KLF12: variants seen among roughly 807,000 people sequenced by gnomAD.
KLF12 encodes Krueppel-like factor 12.
KLF12 carries 9 observed loss-of-function variants against 37.8 expected under a neutral mutation model. That is an observed-to-expected ratio of 0.24 (90% CI 0.14 to 0.42). The LOEUF is 0.42. Among genes scored for constraint, KLF12 ranks in the 10% least tolerant of loss-of-function variants. The pLI, the probability that KLF12 is intolerant of heterozygous loss-of-function variation, is 1.00. For missense variants in KLF12, 411 were observed against 516.0 expected (o/e 0.80, Z 1.97); for synonymous variants, 208 against 202.1 (o/e 1.03, Z -0.25).
chr13:74,196,829 A>G, the KLF12 span, among the ~76,000 whole-genome samples: 1 of 152,192 alleles, frequency 6.6e-6, no homozygotes, highest in South Asian at 2.1e-4. Context: ...TTTAAAAGAT[A>G]CTGTAGGATA....
At chr13:74,040,898 C>T (rs2138536910) in intron 1 of KLF12, among the ~76,000 whole-genome samples, 1 of 152,224 alleles carries the variant, frequency 6.6e-6, no homozygotes, top group African/African-American at 2.4e-5. Flanking sequence ...CATCTTTGAC[C>T]CCTCCTTCAC....
At chr13:74,212,429 G>A in the KLF12 span, among the ~76,000 whole-genome samples, 4 of 152,136 alleles carry the variant, frequency 2.6e-5, no homozygotes, top group African/African-American at 9.7e-5. Context: ...ATCAGCCATT[G>A]CATTTTACAA....
chr13:74,002,275 T>C lies in KLF12; in HGVS notation c.-31-7222A>G, dbSNP rs74400804. Among the ~76,000 whole-genome samples, 982 of 152,350 alleles carry C rather than the reference T, an allele frequency of 6.4e-3. 13 individuals carry two copies. The highest frequency in any genetic ancestry group is 0.022 in the African/African-American group (928 of 41,596). On this transcript the variant is annotated intron_variant, in intron 1 of 7. Coordinates refer to ENST00000377669, the MANE Select transcript of KLF12 (RefSeq NM_007249.5). ...GCAAATTAGTAGACTGTCAAAGGGA[T>C]TGCTTAACCATATGCTTCTCTCATT...
chr13:73,817,725 C>T (rs1053868408), intron 4 of KLF12, among the ~76,000 whole-genome samples: 9 of 152,202 alleles, frequency 5.9e-5, no homozygotes, highest in Admixed American at 5.2e-4. Context: ...AAGGCATATG[C>T]TGCATTTTAA....
chr13:74,242,170 G>T, the KLF12 span, among the ~76,000 whole-genome samples: 1 of 152,176 alleles, frequency 6.6e-6, no homozygotes, highest in African/African-American at 2.4e-5. Context: ...ATAGAAGGTA[G>T]ATTTAATCTT....
intron 1 of KLF12, among the ~76,000 whole-genome samples, chr13:74,013,757 C>T (rs983315214): frequency 1.3e-5 from 2 of 151,940 alleles, no homozygotes; most frequent in African/African-American, 2.4e-5. Flanking sequence ...TATATTAAAA[C>T]GAACAGTATA....
the KLF12 span, among the ~76,000 whole-genome samples, chr13:74,186,850 G>A: frequency 1.3e-5 from 2 of 152,174 alleles, no homozygotes; most frequent in African/African-American, 4.8e-5. Flanking sequence ...TGAGGCATGG[G>A]AGGTGAAAAA....
chr13:74,091,520 T>G (rs1275387655), intron 1 of KLF12, among the ~76,000 whole-genome samples: 1 of 152,200 alleles, frequency 6.6e-6, no homozygotes, highest in Admixed American at 6.5e-5. Flanking sequence ...TCATTTCTTT[T>G]TAGTGGTAAT....
intron 1 of KLF12, among the ~76,000 whole-genome samples, chr13:74,019,786 C>G (rs1208625550): frequency 6.6e-6 from 1 of 152,192 alleles, no homozygotes; most frequent in Non-Finnish European, 1.5e-5. Context: ...GCCCCCTGGT[C>G]TTTTCTTTCA....
chr13:74,105,605 T>C (rs1189201367), intron 1 of KLF12, among the ~76,000 whole-genome samples: 1 of 152,016 alleles, frequency 6.6e-6, no homozygotes, highest in Non-Finnish European at 1.5e-5. Context: ...TGTAAATTCA[T>C]AGGTAATGGG....
At chr13:73,997,449 C>T (rs1168812941) in intron 1 of KLF12, among the ~76,000 whole-genome samples, 4 of 152,048 alleles carry the variant, frequency 2.6e-5, no homozygotes, top group Admixed American at 2.6e-4. Flanking sequence ...TAATCAACAG[C>T]CTAGATATCG....
chr13:73,750,544 TA>T (rs1309931916), intron 6 of KLF12, among the ~76,000 whole-genome samples: 1 of 152,150 alleles, frequency 6.6e-6, no homozygotes, highest in Non-Finnish European at 1.5e-5. Context: ...AAAGTGATGC[TA>T]TGCTCCATAT....
At chr13:73,933,658 T>C (rs1471838492) in intron 3 of KLF12, among the ~76,000 whole-genome samples, 3 of 152,140 alleles carry the variant, frequency 2.0e-5, no homozygotes, top group Admixed American at 6.5e-5. Flanking sequence ...AGGAAGGCCA[T>C]ATACTCACAC....
At chr13:73,788,592 C>T (rs933386169) in intron 5 of KLF12, among the ~76,000 whole-genome samples, 3 of 152,138 alleles carry the variant, frequency 2.0e-5, no homozygotes, top group South Asian at 2.1e-4. Flanking sequence ...CCTTTGTGCT[C>T]GTATATCAAG....
In KLF12 at chr13:73,956,509, T is replaced by G. The variant is rs77044896; in HGVS notation, c.34-12439A>C. ...CTATATCCCAGTAACATCCCCTCAG[T>G]TGTAACCATCAAAAATGCCTTCAGA... On this transcript the variant is annotated intron_variant, in intron 2 of 7. Transcript: ENST00000377669. Among the ~76,000 whole-genome samples the G allele has an allele frequency of 2.5e-3, 384 of 152,326 alleles. 3 individuals are homozygous for G. The highest frequency in any genetic ancestry group is 7.8e-3 in the African/African-American group (325 of 41,578).
chr13:73,892,775 G>C (rs1036310087), intron 3 of KLF12, among the ~76,000 whole-genome samples: 1 of 152,164 alleles, frequency 6.6e-6, no homozygotes, highest in Non-Finnish European at 1.5e-5. Flanking sequence ...CATGCAATTT[G>C]TGTATTCGTA....
chr13:74,184,389 A>G, the KLF12 span, among the ~76,000 whole-genome samples: 4 of 152,206 alleles, frequency 2.6e-5, no homozygotes, highest in Non-Finnish European at 5.9e-5. Flanking sequence ...TGTGTCACCA[A>G]CTCAATATAG....
chr13:74,178,443 G>A, the KLF12 span, among the ~76,000 whole-genome samples: 1 of 152,188 alleles, frequency 6.6e-6, no homozygotes, highest in African/African-American at 2.4e-5. Flanking sequence ...CAGGCAATTA[G>A]TAGTGTCTGC....
chr13:73,950,868 T>A (rs1348910222), intron 2 of KLF12, among the ~76,000 whole-genome samples: 1 of 152,074 alleles, frequency 6.6e-6, no homozygotes, highest in East Asian at 1.9e-4. Flanking sequence ...TTCTGGGAGA[T>A]GAGGCTAGCA....
Sources: gnomAD v4.1 joint callset for allele counts (sites outside exome capture counted in the v4.1 genomes callset) on GRCh38, gnomAD v4.1.1 for gene constraint, MANE v1.5 for transcripts, NCBI Gene and HGNC (gene_info 2026-07-23, HGNC 2026-07-21) for gene names.